Variants in GNAS-AS1 observed in about 807,000 individuals in gnomAD.
The protein encoded by GNAS-AS1 is GNAS antisense RNA 1.
rs574016834 is a variant in GNAS-AS1 at position 58,829,233 on chromosome 20, A to G, written n.820-9978T>C. 1.1e-4 allele frequency among the ~76,000 whole-genome samples: 17 copies of G among 152,348 alleles called. No homozygotes were observed. In the South Asian group the frequency reaches 3.5e-3, roughly 32 times the overall value. On this transcript the variant is annotated intron_variant and non_coding_transcript_variant, in intron 4 of 4. Transcript: ENST00000424094. ...ATCCATGTTATCACCAAGCCTTGTA[A>G]GACACTCTCCTAAATAACTCTAAAA... is the stretch of plus-strand genomic sequence containing the variant.
At chr20:58,826,750 T>A (rs1264811314) in intron 4 of GNAS-AS1, 2 of 151,938 alleles carry the variant, frequency 1.3e-5, no homozygotes, top group African/African-American at 4.8e-5. Flanking sequence ...AGAGTCTCAC[T>A]CTGCCACCCA....
intron 2 of GNAS-AS1, among the ~76,000 whole-genome samples, chr20:58,846,361 GC>G (rs2085940130): frequency 1.3e-5 from 2 of 152,118 alleles, no homozygotes; most frequent in Non-Finnish European, 2.9e-5. Context: ...ATTTTTAAAA[GC>G]CAAATATGGC....
chr20:58,833,358 A>G (rs185155966), intron 4 of GNAS-AS1, among the ~76,000 whole-genome samples: 1 of 152,330 alleles, frequency 6.6e-6, no homozygotes, highest in Non-Finnish European at 1.5e-5. Context: ...AGCCGAAACA[A>G]TGGATGGGGA....
intron 2 of GNAS-AS1, among the ~76,000 whole-genome samples, chr20:58,846,111 G>GA (rs556123520): frequency 1.3e-5 from 2 of 152,114 alleles, no homozygotes; most frequent in Non-Finnish European, 2.9e-5. Context: ...AGGGATCACA[G>GA]AAAAAAAGGA....
rs2085736741 is a variant in GNAS-AS1 at position 58,841,701 on chromosome 20, G to A, written n.819+236C>T. 2 of 1,209,438 alleles carry A rather than the reference G, an allele frequency of 1.7e-6. No individual in the cohort carries two copies. The highest frequency in any genetic ancestry group is 4.3e-5 in the South Asian group (1 of 23,274). The allele number at this position is 1,209,438 out of a possible 1,614,324, so 74.9% of individuals were successfully genotyped here. A position where few individuals can be genotyped will look rare whatever the true frequency, so the allele number is the denominator to read the frequency against. ...AGGTAGAGGAGGTAAGGGGACCCTT[G>A]GGGATGCCCCTACGGGCTACCAGGG... is the stretch of plus-strand genomic sequence containing the variant. On this transcript the variant is annotated intron_variant and non_coding_transcript_variant, in intron 4 of 4. Coordinates refer to ENST00000424094, the Ensembl canonical transcript of GNAS-AS1. The surrounding 1 kb of genome is among the most constrained non-coding windows in gnomAD (Gnocchi z 5.0).
Position 58,840,005 on chromosome 20 carries a change from C to T in GNAS-AS1, n.819+1932G>A, listed in dbSNP as rs1272649176. ...TGGGACCTCCGGGCCAGCTTCTCAC[C>T]TCATAGGGTGTACCTTTCCCGGCTC... On this transcript the variant is annotated intron_variant and non_coding_transcript_variant, in intron 4 of 4. Coordinates refer to ENST00000424094, the Ensembl canonical transcript of GNAS-AS1. This position sits in a 1 kb window ranked among gnomAD's most constrained non-coding sequence, Gnocchi z 6.0. The T allele has an allele frequency of 3.7e-6, 5 of 1,369,134 alleles. No homozygotes were observed. The East Asian group carries it at 9.1e-5, about 25-fold the overall frequency. The allele number at this position is 1,369,134 out of a possible 1,614,324, so 84.8% of individuals were successfully genotyped here.
chr20:58,830,076 T>C (rs2085544100), intron 4 of GNAS-AS1, among the ~76,000 whole-genome samples: 1 of 151,982 alleles, frequency 6.6e-6, no homozygotes, highest in South Asian at 2.1e-4. Flanking sequence ...TTTAGGCTCT[T>C]TCTGCATGGC....
At position 58,830,368 on chromosome 20, in the gene GNAS-AS1, CAA is replaced by C. The variant is rs1310098413; in HGVS notation, n.820-11115_820-11114del. 4.0e-4 allele frequency among the ~76,000 whole-genome samples: 48 copies of C among 118,664 alleles called. 5 individuals carry two copies. Among genetic ancestry groups the C allele is most frequent in the African/African-American group, 8.7e-4 (27 of 31,162 alleles). 77.8% of individuals were successfully genotyped at this position (118,664 alleles called of 152,430 possible). A position where few individuals can be genotyped will look rare whatever the true frequency, so the allele number is the denominator to read the frequency against. ...CACCACACCACCATCACCACCACCA[CAA>C]CACCATCACCACAATCACCACCACC... is the stretch of plus-strand genomic sequence containing the variant. On this transcript the variant is annotated intron_variant and non_coding_transcript_variant, in intron 4 of 4. Coordinates refer to ENST00000424094, the Ensembl canonical transcript of GNAS-AS1.
chr20:58,830,579 C>CCAT (rs2085560580), intron 4 of GNAS-AS1, among the ~76,000 whole-genome samples: 3 of 117,942 alleles, frequency 2.5e-5, no homozygotes, highest in Admixed American at 8.3e-5. Flanking sequence ...CACCACACCA[C>CCAT]CACCACCACA....
At chr20:58,821,991 T>C (rs1354112380) in intron 4 of GNAS-AS1, among the ~76,000 whole-genome samples, 1 of 152,214 alleles carries the variant, frequency 6.6e-6, no homozygotes, top group African/African-American at 2.4e-5. Flanking sequence ...AAGTCATCCC[T>C]ATCCCGACGA....
chr20:58,846,231 GA>G (rs2085935361), intron 2 of GNAS-AS1, among the ~76,000 whole-genome samples: 1 of 152,226 alleles, frequency 6.6e-6, no homozygotes, highest in Non-Finnish European at 1.5e-5. Context: ...AAAGTCGTTT[GA>G]AGGAATAAAG....
intron 2 of GNAS-AS1, among the ~76,000 whole-genome samples, chr20:58,846,988 G>C (rs1251521029): frequency 3.3e-5 from 5 of 152,012 alleles, no homozygotes; most frequent in Admixed American, 3.3e-4. Flanking sequence ...ATCTTTTCTG[G>C]AATGGCCTCT....
exon 4 of GNAS-AS1, chr20:58,842,097 C>A: frequency 2.5e-6 from 1 of 402,304 alleles, no homozygotes; most frequent in Non-Finnish European, 4.4e-6. Context: ...ATTTTCAGCA[C>A]GGGTAGAGTT....
chr20:58,841,942 G>A lies in GNAS-AS1; in HGVS notation n.814C>T. 8.4e-7 allele frequency: 1 copy of A among 1,183,972 alleles called. No homozygotes were observed. Among genetic ancestry groups the A allele is most frequent in the Non-Finnish European group, 1.1e-6 (1 of 944,286 alleles). The allele number at this position is 1,183,972 out of a possible 1,614,324, so 73.3% of individuals were successfully genotyped here. A position where few individuals can be genotyped will look rare whatever the true frequency, so the allele number is the denominator to read the frequency against. On this transcript the variant is annotated non_coding_transcript_exon_variant, in exon 4 of 5. Transcript: ENST00000424094. This position sits in a 1 kb window ranked among gnomAD's most constrained non-coding sequence, Gnocchi z 5.0. ...CTAACATCAGGATAACTTACAATTCGTTTCCAAAGAGCGCGGTACGCGCAG... is the reference window on the plus strand; with the variant it reads ...CTAACATCAGGATAACTTACAATTCATTTCCAAAGAGCGCGGTACGCGCAG...
intron 4 of GNAS-AS1, chr20:58,839,691 G>A: frequency 4.3e-6 from 2 of 462,840 alleles, no homozygotes; most frequent in East Asian, 3.2e-5. Context: ...GCACATGCCC[G>A]GCAGAAGTCC....
chr20:58,841,410 CTA>C lies in GNAS-AS1; in HGVS notation n.819+525_819+526del, dbSNP rs1669097890. 1.0e-6 allele frequency: 1 copy of C among 996,854 alleles called. No homozygotes were observed. Among genetic ancestry groups the C allele is most frequent in the Non-Finnish European group, 1.2e-6 (1 of 836,840 alleles). 61.8% of individuals were successfully genotyped at this position (996,854 alleles called of 1,614,324 possible). ...ATCTGAATGGGAATGGGCGAGAACT[CTA>C]GAGACTGACCACCCGGGAGGGAAGT... On this transcript the variant is annotated intron_variant and non_coding_transcript_variant, in intron 4 of 4. Coordinates refer to ENST00000424094, the Ensembl canonical transcript of GNAS-AS1. The surrounding 1 kb of genome is among the most constrained non-coding windows in gnomAD (Gnocchi z 5.0).
At chr20:58,821,389 G>T (rs1440330647) in intron 4 of GNAS-AS1, among the ~76,000 whole-genome samples, 2 of 152,226 alleles carry the variant, frequency 1.3e-5, no homozygotes, top group Non-Finnish European at 2.9e-5. Flanking sequence ...CATTTGAAAG[G>T]CGACCTCTGG....
At chr20:58,835,126 G>A (rs1231934076) in intron 4 of GNAS-AS1, among the ~76,000 whole-genome samples, 1 of 151,608 alleles carries the variant, frequency 6.6e-6, no homozygotes, top group Non-Finnish European at 1.5e-5. Flanking sequence ...TCTCGGTGGG[G>A]TTGAGCCTTA....
intron 4 of GNAS-AS1, among the ~76,000 whole-genome samples, chr20:58,830,508 C>A (rs1224868754): frequency 3.5e-5 from 4 of 114,554 alleles, no homozygotes; most frequent in African/African-American, 7.5e-5. Context: ...ACCACACCAC[C>A]ATCATCACCA....
Sources: gnomAD v4.1 joint callset for allele counts (sites outside exome capture counted in the v4.1 genomes callset) on GRCh38, gnomAD v4.1.1 for gene constraint, Gnocchi (gnomAD v3.1) non-coding constraint, MANE v1.5 for transcripts, NCBI Gene and HGNC (gene_info 2026-07-23, HGNC 2026-07-21) for gene names.